The following TGFBR3 variants were observed in gnomAD, a reference collection of about 807,000 sequenced individuals.
TGFBR3 encodes the protein transforming growth factor beta receptor type 3.
Under a neutral mutation model 87.9 loss-of-function variants are expected in TGFBR3, and 46 were observed. The ratio of observed to expected loss-of-function variants is 0.52; its 90% CI spans 0.41 to 0.67. The LOEUF (loss-of-function observed/expected upper bound fraction) is 0.67. TGFBR3 is among the 30% of genes least tolerant of loss of function. The pLI, the probability that TGFBR3 is intolerant of heterozygous loss-of-function variation, is 0.00. For missense variants in TGFBR3, 866 were observed against 1,041.9 expected (o/e 0.83, Z 2.32); for synonymous variants, 381 against 391.6 (o/e 0.97, Z 0.32).
chr1:91,681,749 T>C lies in TGFBR3; in HGVS notation c.*1990A>G, dbSNP rs554390769. The C allele has an allele frequency of 2.2e-3, 965 of 441,192 alleles. 12 individuals carry two copies. Among genetic ancestry groups the C allele is most frequent in the South Asian group, 0.016 (939 of 60,544 alleles). 27.3% of individuals were successfully genotyped at this position (441,192 alleles called of 1,614,324 possible). On this transcript the variant is annotated 3_prime_UTR_variant, in exon 17 of 17. Coordinates refer to ENST00000212355, the MANE Select transcript of TGFBR3 (RefSeq NM_003243.5). ...GTAGTAAAATATAGCTATAAGTGAC[T>C]TAAAGACTCTAGTCTTCTTTGAAGA...
At chr1:91,857,249 A>G (rs1471376671) in intron 2 of TGFBR3, among the ~76,000 whole-genome samples, 1 of 152,088 alleles carries the variant, frequency 6.6e-6, no homozygotes, top group Non-Finnish European at 1.5e-5. Flanking sequence ...AATAAAATCC[A>G]CAAGCCTCAT....
intron 1 of TGFBR3, among the ~76,000 whole-genome samples, chr1:91,902,556 T>C (rs1364416534): frequency 6.6e-6 from 1 of 152,092 alleles, no homozygotes; most frequent in Non-Finnish European, 1.5e-5. Flanking sequence ...GTGCTGGGAT[T>C]ATAGGCATGA....
upstream of TGFBR3, among the ~76,000 whole-genome samples, chr1:91,890,555 G>A (rs1485869205): frequency 1.3e-5 from 2 of 151,556 alleles, no homozygotes; most frequent in African/African-American, 4.8e-5. Flanking sequence ...GAGTAGCTGG[G>A]ACTAAAGGCA....
At chr1:91,714,004 T>A (rs910260620) in intron 12 of TGFBR3, among the ~76,000 whole-genome samples, 4 of 149,948 alleles carry the variant, frequency 2.7e-5, no homozygotes, top group Admixed American at 1.3e-4. Context: ...TATTATTTTT[T>A]AATATATTTT....
At chr1:91,832,609 A>T (rs918195570) in intron 2 of TGFBR3, among the ~76,000 whole-genome samples, 1 of 152,232 alleles carries the variant, frequency 6.6e-6, no homozygotes. Context: ...GAATCAAGTG[A>T]TTAAGCCAAA....
intron 4 of TGFBR3, among the ~76,000 whole-genome samples, chr1:91,740,107 T>G (rs1305093739): frequency 6.6e-6 from 1 of 152,206 alleles, no homozygotes; most frequent in Non-Finnish European, 1.5e-5. Flanking sequence ...TCACCCAGGC[T>G]GAAGTGCAAT....
intron 15 of TGFBR3, among the ~76,000 whole-genome samples, chr1:91,697,476 T>C (rs1353955550): frequency 1.3e-5 from 2 of 152,204 alleles, no homozygotes; most frequent in Non-Finnish European, 2.9e-5. Flanking sequence ...GAAGTCCAGG[T>C]TGAAGTCCTG....
intron 8 of TGFBR3, among the ~76,000 whole-genome samples, 195 bp downstream of exon 8, chr1:91,721,760 T>A (rs966999373): frequency 1.3e-5 from 2 of 152,194 alleles, no homozygotes; most frequent in Non-Finnish European, 2.9e-5. Context: ...TTCAACTCTA[T>A]GTCACTGAAA....
At chr1:91,707,050 G>GA (rs879671516) in intron 14 of TGFBR3, among the ~76,000 whole-genome samples, 3 of 152,220 alleles carry the variant, frequency 2.0e-5, no homozygotes, top group Admixed American at 2.0e-4. Context: ...AGGACGGCCA[G>GA]AAAAATGAAT....
intron 3 of TGFBR3, among the ~76,000 whole-genome samples, chr1:91,774,321 G>C (rs1407639495): frequency 6.6e-6 from 1 of 151,986 alleles, no homozygotes; most frequent in Admixed American, 6.6e-5. Flanking sequence ...ATTTTTAGTA[G>C]AGATGGGGTT....
intron 3 of TGFBR3, among the ~76,000 whole-genome samples, chr1:91,778,762 T>C (rs947021698): frequency 6.6e-6 from 1 of 152,218 alleles, no homozygotes; most frequent in African/African-American, 2.4e-5. Context: ...ACATCTATAC[T>C]GATGATATAC....
At chr1:91,777,715 G>T (rs1047177632) in intron 3 of TGFBR3, among the ~76,000 whole-genome samples, 3 of 152,004 alleles carry the variant, frequency 2.0e-5, no homozygotes, top group Non-Finnish European at 4.4e-5. Context: ...TTTCTATCTC[G>T]TGTATTTAGG....
intron 1 of TGFBR3, among the ~76,000 whole-genome samples, chr1:91,880,637 C>T (rs576949518): frequency 7.2e-5 from 11 of 151,974 alleles, no homozygotes; most frequent in African/African-American, 2.7e-4. Context: ...AAGAAAAATG[C>T]TCCAGTAGAC....
chr1:91,842,325 A>G (rs1677318380), intron 2 of TGFBR3, among the ~76,000 whole-genome samples: 1 of 152,148 alleles, frequency 6.6e-6, no homozygotes, highest in South Asian at 2.1e-4. Context: ...TACAATTTTA[A>G]GTAGGGTGGT....
intron 4 of TGFBR3, among the ~76,000 whole-genome samples, chr1:91,747,726 C>T (rs545497012): frequency 9.2e-5 from 14 of 152,264 alleles, no homozygotes; most frequent in African/African-American, 3.4e-4. Context: ...TCAGGTGGCA[C>T]TAAGGAAGGG....
intron 2 of TGFBR3, among the ~76,000 whole-genome samples, chr1:91,823,299 T>A (rs1676518232): frequency 6.6e-6 from 1 of 152,142 alleles, no homozygotes. Flanking sequence ...CCAACATAGG[T>A]ACACATACTT....
chr1:91,775,512 G>GC (rs1009287031), intron 3 of TGFBR3, among the ~76,000 whole-genome samples: 2 of 152,192 alleles, frequency 1.3e-5, no homozygotes, highest in African/African-American at 4.8e-5. Flanking sequence ...CCTCTAAGAA[G>GC]CCCTTCCTAA....
At chr1:91,874,248 G>A (rs559892978) in intron 1 of TGFBR3, among the ~76,000 whole-genome samples, 7 of 152,160 alleles carry the variant, frequency 4.6e-5, no homozygotes, top group East Asian at 1.9e-4. Context: ...TAACAGAAGC[G>A]AATTCTGTAG....
At chr1:91,746,535 C>A (rs776436100) in intron 4 of TGFBR3, among the ~76,000 whole-genome samples, 4 of 152,186 alleles carry the variant, frequency 2.6e-5, no homozygotes, top group Non-Finnish European at 4.4e-5. Flanking sequence ...ATGTTGGTAT[C>A]ATTACTATTA....
Sources: gnomAD v4.1 joint callset for allele counts (sites outside exome capture counted in the v4.1 genomes callset) on GRCh38, gnomAD v4.1.1 for gene constraint, MANE v1.5 for transcripts, NCBI Gene and HGNC (gene_info 2026-07-23, HGNC 2026-07-21) for gene names.